Variants in MCC observed in about 807,000 individuals in gnomAD.
MCC encodes MCC regulator of Wnt signaling pathway.
A neutral mutation model predicts 116.2 loss-of-function variants in MCC; 90 were observed. The observed-to-expected ratio is 0.77, with a 90% confidence interval of 0.65 to 0.92. The LOEUF (loss-of-function observed/expected upper bound fraction) is 0.92, where lower values mean the gene tolerates loss of function less well. Ranked by LOEUF, MCC falls within the 40% of genes least tolerant of loss-of-function variation. The pLI, the probability that MCC is intolerant of heterozygous loss-of-function variation, is 0.00. For synonymous variants in MCC, 578 were observed against 510.5 expected (o/e 1.13, Z -1.78); for missense variants, 1,516 against 1,312.2 (o/e 1.16, Z -2.40).
intron 6 of MCC, among the ~76,000 whole-genome samples, chr5:113,122,328 G>C (rs1263305062): frequency 6.6e-6 from 1 of 152,106 alleles, no homozygotes; most frequent in Non-Finnish European, 1.5e-5. Context: ...AAACCTATTG[G>C]GATTCTTCCA....
rs1755038234 is a variant in MCC at position 113,084,089 on chromosome 5, A to G, written c.1635+12T>C. 1 of 1,612,370 alleles carries G rather than the reference A, an allele frequency of 6.2e-7. No homozygotes were observed. The highest frequency in any genetic ancestry group is 8.5e-7 in the Non-Finnish European group (1 of 1,178,482). On this transcript the variant is annotated intron_variant, in intron 10 of 18. Coordinates refer to ENST00000408903, the MANE Select transcript of MCC (RefSeq NM_001085377.2). ...CGGGTACTTTCTTGCCTTGCTTCTC[A>G]TGAACACTCACCCCTATGCTACTGA...
At chr5:113,237,369 G>A (rs926495273) in intron 3 of MCC, among the ~76,000 whole-genome samples, 7 of 152,022 alleles carry the variant, frequency 4.6e-5, no homozygotes, top group Non-Finnish European at 1.0e-4. Flanking sequence ...AATATGACTT[G>A]GTTATTTTCA....
intron 11 of MCC, among the ~76,000 whole-genome samples, chr5:113,075,324 CCT>C (rs1226670420): frequency 2.0e-5 from 3 of 152,118 alleles, no homozygotes; most frequent in Non-Finnish European, 4.4e-5. Flanking sequence ...CCCCTCACCC[CCT>C]GTGGGTTCCC....
At chr5:113,110,535 G>T (rs987369572) in intron 6 of MCC, among the ~76,000 whole-genome samples, 5 of 152,224 alleles carry the variant, frequency 3.3e-5, no homozygotes, top group South Asian at 2.1e-4. Flanking sequence ...CACATATGTG[G>T]ATTTCATATG....
intron 1 of MCC, among the ~76,000 whole-genome samples, chr5:113,456,342 T>G (rs1002862702): frequency 6.6e-6 from 1 of 152,228 alleles, no homozygotes; most frequent in African/African-American, 2.4e-5. Context: ...CTAAAATGCT[T>G]GAGATCAGAA....
chr5:113,128,764 GTTTTA>G (rs1173713684), intron 5 of MCC, among the ~76,000 whole-genome samples: 1 of 152,160 alleles, frequency 6.6e-6, no homozygotes, highest in African/African-American at 2.4e-5. Flanking sequence ...TTCTTTCTGG[GTTTTA>G]TTTTTATTTC....
chr5:113,055,124 A>G (rs1752744997), intron 14 of MCC, among the ~76,000 whole-genome samples: 1 of 152,200 alleles, frequency 6.6e-6, no homozygotes, highest in African/African-American at 2.4e-5. Flanking sequence ...CTGTTGCTAC[A>G]GATTTGGAAA....
At chr5:113,091,251 G>A (rs1755617640) in intron 8 of MCC, among the ~76,000 whole-genome samples, 2 of 152,186 alleles carry the variant, frequency 1.3e-5, no homozygotes, top group African/African-American at 4.8e-5. Flanking sequence ...ACTGGAAACT[G>A]GTTTGGATTT....
chr5:113,295,446 C>A (rs1049403632), intron 3 of MCC, among the ~76,000 whole-genome samples: 4 of 152,132 alleles, frequency 2.6e-5, no homozygotes, highest in Non-Finnish European at 5.9e-5. Flanking sequence ...ATAGAGGCCC[C>A]ATCCCTTGAA....
At chr5:113,122,924 A>G (rs1391070932) in intron 5 of MCC, 98 bp from the exon 6 acceptor site, 17 of 1,299,128 alleles carry the variant, frequency 1.3e-5, no homozygotes, top group Non-Finnish European at 1.6e-5. Context: ...ATTGAGAGAG[A>G]AAACAGATTT....
At chr5:113,463,546 C>G (rs145621198) in intron 1 of MCC, among the ~76,000 whole-genome samples, 2 of 152,320 alleles carry the variant, frequency 1.3e-5, no homozygotes, top group African/African-American at 4.8e-5. Context: ...TTTGTTCTGG[C>G]TTCCCGTAAG....
chr5:113,472,972 T>G (rs1772135184), intron 1 of MCC, among the ~76,000 whole-genome samples: 3 of 152,216 alleles, frequency 2.0e-5, no homozygotes, highest in African/African-American at 7.2e-5. Context: ...ACGCATGATG[T>G]CAGGTAGTGT....
chr5:113,058,025 T>C (rs1250924885), intron 14 of MCC, among the ~76,000 whole-genome samples: 1 of 152,216 alleles, frequency 6.6e-6, no homozygotes, highest in Non-Finnish European at 1.5e-5. Context: ...GGGGTTTACT[T>C]ACACCTCTAG....
chr5:113,486,808 C>T (rs929966351), intron 1 of MCC, among the ~76,000 whole-genome samples: 1 of 150,564 alleles, frequency 6.6e-6, no homozygotes, highest in Non-Finnish European at 1.5e-5. Context: ...CGCCACTGTA[C>T]TCCAGCCTGG....
intron 3 of MCC, among the ~76,000 whole-genome samples, chr5:113,213,779 A>G (rs1763214679): frequency 6.6e-6 from 1 of 152,188 alleles, no homozygotes. Context: ...ACCCACTCAC[A>G]GTGAATGACA....
intron 14 of MCC, among the ~76,000 whole-genome samples, chr5:113,058,395 C>T (rs1034364500): frequency 3.9e-5 from 6 of 152,168 alleles, no homozygotes; most frequent in Admixed American, 6.5e-5. Flanking sequence ...ATGCACATTC[C>T]GGGGCCTGCT....
At chr5:113,088,580 G>C (rs1250831685) in intron 8 of MCC, among the ~76,000 whole-genome samples, 1 of 151,822 alleles carries the variant, frequency 6.6e-6, no homozygotes, top group Non-Finnish European at 1.5e-5. Context: ...GAAAAGGAAG[G>C]GATATTTAAG....
intron 2 of MCC, among the ~76,000 whole-genome samples, chr5:113,376,977 C>T (rs1769002353): frequency 6.6e-6 from 1 of 152,196 alleles, no homozygotes; most frequent in African/African-American, 2.4e-5. Context: ...AAGAATCCCT[C>T]TTTTCTCTGT....
intron 13 of MCC, among the ~76,000 whole-genome samples, chr5:113,065,400 CTG>C (rs1339241250): frequency 6.6e-6 from 1 of 152,220 alleles, no homozygotes; most frequent in Non-Finnish European, 1.5e-5. Flanking sequence ...AAAACAGAAA[CTG>C]TGCTGGCTGA....
Sources: allele counts gnomAD v4.1 joint callset (sites outside exome capture counted in the v4.1 genomes callset), GRCh38; gene constraint gnomAD v4.1.1; transcripts MANE v1.5; gene names NCBI Gene and HGNC (gene_info 2026-07-23, HGNC 2026-07-21).